The following RBFOX1 variants were observed in gnomAD, a reference collection of about 807,000 sequenced individuals.
The protein encoded by RBFOX1 is RNA binding fox-1 homolog 1, also known as RNA binding protein fox-1 homolog 1.
RBFOX1 carries 8 observed loss-of-function variants against 57.7 expected under a neutral mutation model. The observed-to-expected ratio is 0.14, with a 90% CI of 0.08 to 0.25. RBFOX1 has a LOEUF of 0.25. Among genes scored for constraint, RBFOX1 ranks in the 10% least tolerant of loss-of-function variants. The probability of loss-of-function intolerance (pLI) is 1.00; values close to 1 mark genes in which losing one functional copy is unlikely to be tolerated. For missense variants in RBFOX1, 611 were observed against 548.5 expected, an observed-to-expected ratio of 1.11 and a Z score of -1.14; for synonymous variants, 326 against 222.4, an observed-to-expected ratio of 1.47 and a Z score of -4.15.
At chr16:5,398,638 C>A (rs771266314) in intron 1 of RBFOX1, among the ~76,000 whole-genome samples, 28 of 151,798 alleles carry the variant, frequency 1.8e-4, no homozygotes, top group Admixed American at 2.0e-4. Context: ...GTACTAGGCA[C>A]GCTTGGAGTT....
chr16:7,312,171 G>T (rs1367268581), intron 4 of RBFOX1, among the ~76,000 whole-genome samples: 1 of 152,188 alleles, frequency 6.6e-6, no homozygotes. Context: ...CTTGAGGTCA[G>T]GAGTTTGAGA....
chr16:6,034,353 AAAAAGAAAAG>A (rs1290977613), intron 1 of RBFOX1, among the ~76,000 whole-genome samples: 2 of 145,924 alleles, frequency 1.4e-5, no homozygotes, highest in African/African-American at 2.5e-5. Flanking sequence ...AAAAAAAAAA[AAAAAGAAAAG>A]AAAAGAAAAG....
In RBFOX1 at chr16:7,189,580, CACACACAT is replaced by C. The variant is rs1424170176; in HGVS notation, c.27+137490_27+137497del. On this transcript the variant is annotated intron_variant, in intron 4 of 15. Coordinates refer to ENST00000550418, the MANE Select transcript of RBFOX1 (RefSeq NM_018723.4). ...ACACACACACACACACACACACACA[CACACACAT>C]ACACACACAAAATAGAGCACATAAG... Among the ~76,000 whole-genome samples, 377 of 150,366 alleles carry C rather than the reference CACACACAT, an allele frequency of 2.5e-3. 5 individuals carry two copies. The highest frequency in any genetic ancestry group is 8.8e-3 in the African/African-American group (361 of 41,210).
intron 2 of RBFOX1, among the ~76,000 whole-genome samples, chr16:5,490,560 C>T (rs771937012): frequency 4.6e-5 from 7 of 152,188 alleles, no homozygotes; most frequent in African/African-American, 1.7e-4. Flanking sequence ...TGGAATCCCC[C>T]GCCCTCCATG....
At chr16:5,472,342 C>T (rs1375261016) in intron 2 of RBFOX1, among the ~76,000 whole-genome samples, 1 of 152,060 alleles carries the variant, frequency 6.6e-6, no homozygotes, top group Admixed American at 6.5e-5. Flanking sequence ...GTAATCCTCC[C>T]AACATTGTCC....
At chr16:7,393,269 T>A (rs1465449609) in intron 4 of RBFOX1, among the ~76,000 whole-genome samples, 1 of 152,182 alleles carries the variant, frequency 6.6e-6, no homozygotes, top group Non-Finnish European at 1.5e-5. Context: ...ATGCAGGATC[T>A]CACTTCAGAC....
chr16:5,859,127 C>T (rs2057145912), intron 3 of RBFOX1, among the ~76,000 whole-genome samples: 1 of 152,116 alleles, frequency 6.6e-6, no homozygotes, highest in Non-Finnish European at 1.5e-5. Flanking sequence ...ATTGCTTGAA[C>T]CTGGGAGGTG....
At chr16:5,619,009 G>C (rs1405921600) in intron 3 of RBFOX1, among the ~76,000 whole-genome samples, 1 of 152,130 alleles carries the variant, frequency 6.6e-6, no homozygotes, top group Non-Finnish European at 1.5e-5. Flanking sequence ...GGGAGGCCAG[G>C]CTATTTAGGA....
At chr16:5,260,523 T>G (rs9673158) in intron 1 of RBFOX1, among the ~76,000 whole-genome samples, 428 of 152,330 alleles carry the variant, frequency 2.8e-3, no homozygotes, top group African/African-American at 9.8e-3. Context: ...ATGTAGTTTT[T>G]TCTTAGCAAA....
intron 4 of RBFOX1, among the ~76,000 whole-genome samples, chr16:5,917,346 A>G (rs2058728043): frequency 1.3e-5 from 2 of 152,236 alleles, no homozygotes; most frequent in Admixed American, 1.3e-4. Flanking sequence ...ACATGCTGCT[A>G]AGCACTTTAT....
intron 14 of RBFOX1, among the ~76,000 whole-genome samples, chr16:7,702,515 GCCCA>G (rs2081085810): frequency 2.0e-5 from 3 of 152,164 alleles, no homozygotes; most frequent in Non-Finnish European, 4.4e-5. Context: ...AAACATAAAT[GCCCA>G]TAACAGTTTA....
chr16:7,337,055 G>C (rs2096801381), intron 4 of RBFOX1, among the ~76,000 whole-genome samples: 1 of 152,164 alleles, frequency 6.6e-6, no homozygotes, highest in South Asian at 2.1e-4. Context: ...TCAAAATGCT[G>C]GTGACTCCAA....
intron 3 of RBFOX1, among the ~76,000 whole-genome samples, chr16:6,761,577 G>C (rs1017624379): frequency 7.9e-6 from 1 of 127,312 alleles, no homozygotes; most frequent in Non-Finnish European, 1.6e-5. Context: ...GTGCGATCTC[G>C]GTTCACTGTA....
intron 1 of RBFOX1, among the ~76,000 whole-genome samples, chr16:5,426,317 T>A (rs2067557322): frequency 6.6e-6 from 1 of 152,190 alleles, no homozygotes; most frequent in East Asian, 1.9e-4. Flanking sequence ...TCAGGATGTC[T>A]GTAAGCAGGA....
At chr16:6,691,733 G>C (rs1568234461) in intron 3 of RBFOX1, among the ~76,000 whole-genome samples, 1 of 152,154 alleles carries the variant, frequency 6.6e-6, no homozygotes, top group Non-Finnish European at 1.5e-5. Flanking sequence ...CACCGCACAT[G>C]GCCAAGGAAT....
At chr16:6,962,819 C>G (rs1301631796) in intron 3 of RBFOX1, among the ~76,000 whole-genome samples, 2 of 150,932 alleles carry the variant, frequency 1.3e-5, no homozygotes, top group African/African-American at 4.9e-5. Context: ...GAGCTGTGAT[C>G]ATGCCACTGC....
At chr16:6,009,099 C>CTT (rs536519387) in intron 4 of RBFOX1, among the ~76,000 whole-genome samples, 7 of 142,360 alleles carry the variant, frequency 4.9e-5, no homozygotes, top group African/African-American at 7.7e-5. Flanking sequence ...TTGTCTTTTA[C>CTT]TTTTTTTTTT....
chr16:6,694,332 A>G (rs1047694184), intron 3 of RBFOX1, among the ~76,000 whole-genome samples: 4 of 152,322 alleles, frequency 2.6e-5, no homozygotes, highest in African/African-American at 9.6e-5. Context: ...ATTATCTGGC[A>G]TTTGGAGTTG....
Position 5,724,803 on chromosome 16 carries a change from C to G in RBFOX1, c.318+125842C>G, listed in dbSNP as rs141672408. Among the ~76,000 whole-genome samples the G allele has an allele frequency of 2.6e-5, 4 of 152,300 alleles. No individual in the cohort carries two copies. In the East Asian group the frequency reaches 7.7e-4, roughly 29 times the overall value. ...TTATATTCTTCTCCTTGTTGGATAT[C>G]TACACCAGCCCACTAACATAGATGG... On this transcript the variant is annotated intron_variant, in intron 3 of 19. Coordinates refer to the RBFOX1 transcript ENST00000641259.
Sources: gnomAD v4.1 joint callset for allele counts (sites outside exome capture counted in the v4.1 genomes callset) on GRCh38, gnomAD v4.1.1 for gene constraint, MANE v1.5 for transcripts, NCBI Gene and HGNC (gene_info 2026-07-23, HGNC 2026-07-21) for gene names.